Variants in ETV6 observed in about 807,000 individuals in gnomAD.
ETV6 encodes ETS variant transcription factor 6.
ETV6 carries 16 observed loss-of-function variants against 51.1 expected under a neutral mutation model. That is an observed-to-expected ratio of 0.31 (90% CI 0.21 to 0.48). ETV6 has a LOEUF of 0.48. Ranked by LOEUF, ETV6 falls within the 20% of genes least tolerant of loss-of-function variation. The pLI is 0.99. For missense variants in ETV6, 458 were observed against 594.8 expected, an observed-to-expected ratio of 0.77 and a Z score of 2.39; for synonymous variants, 240 against 224.1, an observed-to-expected ratio of 1.07 and a Z score of -0.64.
chr12:11,747,730 T>C (rs1326771688), intron 1 of ETV6, among the ~76,000 whole-genome samples: 1 of 152,234 alleles, frequency 6.6e-6, no homozygotes, highest in Non-Finnish European at 1.5e-5. Context: ...TTCTTGTGTA[T>C]ATCTGTGCTT....
rs571305025 is a variant in ETV6, at chr12:11,677,987, G to T, written c.33+27827G>T. Among the ~76,000 whole-genome samples, 20 of 152,308 alleles carry T rather than the reference G, an allele frequency of 1.3e-4. No individual in the cohort carries two copies. The South Asian group carries it at 3.9e-3, about 30-fold the overall frequency. On this transcript the variant is annotated intron_variant, in intron 1 of 7. Transcript: ENST00000396373. ...TCACTCCGTGCTGTCAGCACCCTTT[G>T]CTTCTGTTCCTGCACTTGTGCCAAA... is the stretch of plus-strand genomic sequence containing the variant.
intron 2 of ETV6, among the ~76,000 whole-genome samples, chr12:11,781,837 T>C (rs991051329): frequency 6.6e-6 from 1 of 152,222 alleles, no homozygotes; most frequent in African/African-American, 2.4e-5. Flanking sequence ...ATGAGTACTT[T>C]CTCTGTACCT....
Position 11,890,929 on chromosome 12 carries a change from C to G in ETV6, c.1254-12C>G. The G allele has an allele frequency of 6.2e-7, 1 of 1,608,504 alleles. No homozygotes were observed. ...ATGGAATCTCTTACCTCCTCCACTTCTTCTTCCAAAGGTTTATGAAAACCC... is the reference window on the plus strand; with the variant it reads ...ATGGAATCTCTTACCTCCTCCACTTGTTCTTCCAAAGGTTTATGAAAACCC... On this transcript the variant is annotated splice_polypyrimidine_tract_variant and intron_variant, in intron 7 of 7. Coordinates refer to ENST00000396373, the MANE Select transcript of ETV6 (RefSeq NM_001987.5).
chr12:11,838,420 AC>A (rs1461486729), intron 2 of ETV6, among the ~76,000 whole-genome samples: 2 of 151,850 alleles, frequency 1.3e-5, no homozygotes, highest in Non-Finnish European at 2.9e-5. Context: ...CCTGCTCTGT[AC>A]CCCCCTCCTG....
intron 2 of ETV6, among the ~76,000 whole-genome samples, chr12:11,756,580 CTT>C (rs772637345): frequency 6.7e-4 from 102 of 152,314 alleles, no homozygotes; most frequent in Non-Finnish European, 1.2e-3. Context: ...CAAGGTCACT[CTT>C]GACTCTACGC....
chr12:11,803,038 A>T (rs1401171157), intron 2 of ETV6, among the ~76,000 whole-genome samples: 1 of 152,162 alleles, frequency 6.6e-6, no homozygotes, highest in Non-Finnish European at 1.5e-5. Context: ...ATTTCTCCAC[A>T]AGTTTCTTCA....
At chr12:11,795,089 G>A (rs372225148) in intron 2 of ETV6, among the ~76,000 whole-genome samples, 2 of 152,228 alleles carry the variant, frequency 1.3e-5, no homozygotes, top group African/African-American at 2.4e-5. Context: ...CAAGGCATAT[G>A]TGCATATTTG....
rs532235369 is a variant in ETV6, at chr12:11,702,280, A to G, written c.34-50170A>G. Among the ~76,000 whole-genome samples the G allele has an allele frequency of 8.1e-4, 124 of 152,200 alleles. 2 individuals are homozygous for G. The South Asian group carries it at 0.025, about 31-fold the overall frequency. On this transcript the variant is annotated intron_variant, in intron 1 of 7. Coordinates refer to ENST00000396373, the MANE Select transcript of ETV6 (RefSeq NM_001987.5). ...CAGCAGAGTTTGTTGGACTGCTCCC[A>G]CCTATTGCTTTTTGTCTTCTGAAGT...
intron 2 of ETV6, among the ~76,000 whole-genome samples, chr12:11,765,680 T>C (rs1378208078): frequency 6.6e-6 from 1 of 152,056 alleles, no homozygotes; most frequent in East Asian, 1.9e-4. Context: ...CCCCCTTCCT[T>C]GTTTTACTTA....
chr12:11,667,302 A>G (rs902780646), intron 1 of ETV6, among the ~76,000 whole-genome samples: 6 of 152,148 alleles, frequency 3.9e-5, no homozygotes, highest in Admixed American at 1.3e-4. Flanking sequence ...CCCTTGCTCA[A>G]TGTCTTCACT....
intron 2 of ETV6, among the ~76,000 whole-genome samples, chr12:11,782,374 G>A (rs1945425993): frequency 6.6e-6 from 1 of 152,052 alleles, no homozygotes; most frequent in East Asian, 1.9e-4. Flanking sequence ...GAGAAAAGAA[G>A]ACTTTTTGTT....
intron 1 of ETV6, among the ~76,000 whole-genome samples, chr12:11,715,094 T>G (rs1044844943): frequency 6.6e-6 from 1 of 152,198 alleles, no homozygotes; most frequent in South Asian, 2.1e-4. Context: ...CATGTCTTTT[T>G]TGTTTAACCG....
intron 2 of ETV6, among the ~76,000 whole-genome samples, chr12:11,835,025 T>C (rs1047519475): frequency 6.6e-6 from 1 of 152,160 alleles, no homozygotes; most frequent in Non-Finnish European, 1.5e-5. Flanking sequence ...TCAGAAAGTC[T>C]GAAACAGGGT....
intron 2 of ETV6, among the ~76,000 whole-genome samples, chr12:11,815,294 G>A (rs1189544944): frequency 6.6e-6 from 1 of 152,152 alleles, no homozygotes; most frequent in East Asian, 1.9e-4. Flanking sequence ...CAAGGCAGGG[G>A]GCAAAGCCAG....
chr12:11,659,187 G>C (rs540652090), intron 1 of ETV6, among the ~76,000 whole-genome samples: 1 of 152,326 alleles, frequency 6.6e-6, no homozygotes, highest in African/African-American at 2.4e-5. Flanking sequence ...TTTGGGGCAT[G>C]GGGAAACCTT....
rs938987202 is a variant in ETV6, at chr12:11,893,613, G to A, written c.*2567G>A. 7 of 231,154 alleles carry A rather than the reference G, an allele frequency of 3.0e-5. No individual in the cohort carries two copies. Among genetic ancestry groups the A allele is most frequent in the Middle Eastern group, 1.3e-3 (1 of 784 alleles). The allele number at this position is 231,154 out of a possible 1,614,324, so 14.3% of individuals were successfully genotyped here. On this transcript the variant is annotated 3_prime_UTR_variant, in exon 8 of 8. Coordinates refer to ENST00000396373, the MANE Select transcript of ETV6 (RefSeq NM_001987.5). ...TCCTGAACGCTATGACACCATGAGT[G>A]GAAAATTCCACACCTAACAAACACA... is the stretch of plus-strand genomic sequence containing the variant.
At chr12:11,819,332 G>C (rs570080335) in intron 2 of ETV6, among the ~76,000 whole-genome samples, 1 of 152,084 alleles carries the variant, frequency 6.6e-6, no homozygotes, top group African/African-American at 2.4e-5. Context: ...ACTTGTCCCC[G>C]GTCTTGTCCC....
At chr12:11,854,372 A>G (rs1051014307) in intron 4 of ETV6, among the ~76,000 whole-genome samples, 3 of 151,244 alleles carry the variant, frequency 2.0e-5, no homozygotes, top group Non-Finnish European at 2.9e-5. Context: ...CAGGCCATGG[A>G]CTGGTACCAG....
chr12:11,739,745 T>G (rs747132169), intron 1 of ETV6, among the ~76,000 whole-genome samples: 25 of 152,232 alleles, frequency 1.6e-4, no homozygotes, highest in Non-Finnish European at 2.9e-4. Flanking sequence ...GTGTCCTATG[T>G]TATTTAGATG....
Sources: gnomAD v4.1 joint callset for allele counts (sites outside exome capture counted in the v4.1 genomes callset) on GRCh38, gnomAD v4.1.1 for gene constraint, MANE v1.5 for transcripts, NCBI Gene and HGNC (gene_info 2026-07-23, HGNC 2026-07-21) for gene names.